The following CUBN variants were observed in gnomAD, a reference collection of about 807,000 sequenced individuals.
CUBN encodes 460 kDa receptor.
A neutral mutation model predicts 405.3 loss-of-function variants in CUBN; 282 were observed. The ratio of observed to expected loss-of-function variants is 0.70; its 90% CI spans 0.63 to 0.77. The LOEUF (loss-of-function observed/expected upper bound fraction) is 0.77. Ranked by LOEUF, CUBN falls within the 30% of genes least tolerant of loss-of-function variation. The pLI is 0.00. For missense variants in CUBN, 4,514 were observed against 4,475.2 expected (o/e 1.01, Z -0.25); for synonymous variants, 1,684 against 1,617.0 (o/e 1.04, Z -0.99).
Position 16,901,478 on chromosome 10 carries a change from C to A in CUBN, c.8063-19G>T. On this transcript the variant is annotated intron_variant, in intron 51 of 66. Transcript: ENST00000377833. ...CCACAATCTGAAATGAGATTGGTAA[C>A]CCTCTCAATAAAACAGAAGTAAAAA... 4 of 1,613,904 alleles carry A rather than the reference C, an allele frequency of 2.5e-6. No individual in the cohort carries two copies. The highest frequency in any genetic ancestry group is 3.4e-6 in the Non-Finnish European group (4 of 1,179,886).
Position 16,913,847 on chromosome 10 carries a change from C to G in CUBN, c.7497G>C (p.Leu2499=), listed in dbSNP as rs200254154. The part of the protein sequence containing the change: ...RITLMFNNLR[L]ATHPSCNNEH... ...CATTGTTGCAGGACGGATGCGTGGC[C>G]AGCCTCAGGTTGTTAAACATTAGGG... Residue 2499 remains leucine (L), a synonymous_variant, in exon 48 of 67, where the codon CTG becomes CTC. Transcript: ENST00000377833. The G allele has an allele frequency of 6.2e-7, 1 of 1,613,974 alleles. No individual in the cohort carries two copies. The highest frequency in any genetic ancestry group is 1.1e-5 in the South Asian group (1 of 91,058).
chr10:16,828,674 C>T (rs547248801), intron 66 of CUBN, 131 bp downstream of exon 66: 39 of 732,142 alleles, frequency 5.3e-5, no homozygotes, highest in Non-Finnish European at 6.6e-5. Context: ...GTTGAGATTG[C>T]GCGCACCACT....
intron 17 of CUBN, among the ~76,000 whole-genome samples, chr10:17,079,946 G>A (rs1179143027): frequency 2.6e-5 from 4 of 152,166 alleles, no homozygotes; most frequent in Non-Finnish European, 5.9e-5. Flanking sequence ...GGAGTGTAGC[G>A]GGGAGGGAGA....
rs561848701 is a variant in CUBN, at chr10:16,941,669, C to A, written c.5343-1432G>T. On this transcript the variant is annotated intron_variant, in intron 36 of 66. Transcript: ENST00000377833. The stretch of plus-strand genomic sequence containing the variant: ...GACCAGCCTGAGCAACACAGTGAAA[C>A]CCCCTCTCTACAAAAAATAAAATGT... Among the ~76,000 whole-genome samples, 4 of 147,980 alleles carry A rather than the reference C, an allele frequency of 2.7e-5. No individual in the cohort carries two copies. In the East Asian group the frequency reaches 6.0e-4, roughly 22 times the overall value.
intron 27 of CUBN, among the ~76,000 whole-genome samples, chr10:17,024,364 C>A (rs559912011): frequency 6.6e-6 from 1 of 152,166 alleles, no homozygotes; most frequent in East Asian, 1.9e-4. Context: ...GCAGGATCTC[C>A]AAGAACAAAA....
chr10:16,841,651 C>T (rs190696575), intron 60 of CUBN, among the ~76,000 whole-genome samples: 48 of 152,264 alleles, frequency 3.2e-4, no homozygotes, highest in African/African-American at 1.1e-3. Context: ...AGGTGTGTTG[C>T]TGCTTCTTGG....
chr10:17,041,451 A>G (rs904138833), intron 26 of CUBN, among the ~76,000 whole-genome samples: 3 of 152,148 alleles, frequency 2.0e-5, no homozygotes, highest in African/African-American at 7.2e-5. Context: ...AATGTGAAAT[A>G]ATACTGAAGT....
At chr10:17,040,752 A>G (rs960735342) in intron 27 of CUBN, among the ~76,000 whole-genome samples, 4 of 152,134 alleles carry the variant, frequency 2.6e-5, no homozygotes, top group African/African-American at 9.7e-5. Flanking sequence ...ACAACCAACA[A>G]AAAATAGAGG....
chr10:16,918,313 T>C (rs1006529161), intron 45 of CUBN, among the ~76,000 whole-genome samples: 3 of 152,206 alleles, frequency 2.0e-5, no homozygotes, highest in Admixed American at 6.5e-5. Flanking sequence ...AAATAGTTTT[T>C]TCTAGTTCTG....
At chr10:16,995,558 T>G (rs1007902103) in intron 28 of CUBN, among the ~76,000 whole-genome samples, 4 of 152,162 alleles carry the variant, frequency 2.6e-5, no homozygotes, top group Non-Finnish European at 5.9e-5. Context: ...GGTCTTGAAC[T>G]CCTAGGCTCA....
intron 1 of CUBN, 46 bp downstream of exon 1, chr10:17,129,598 G>C (rs373362973): frequency 6.2e-7 from 1 of 1,613,038 alleles, no homozygotes; most frequent in Non-Finnish European, 8.5e-7. Context: ...AACTGGTGAG[G>C]AATTAGCCTA....
chr10:16,907,403 T>C, intron 49 of CUBN, 105 bp downstream of exon 49: 2 of 1,182,816 alleles, frequency 1.7e-6, no homozygotes, highest in East Asian at 2.4e-5. Context: ...AGATTTCAAG[T>C]ATCACTAAAG....
At chr10:17,071,692 G>A (rs1296633648) in intron 18 of CUBN, 88 bp from the exon 19 acceptor site, 1 of 1,482,432 alleles carries the variant, frequency 6.7e-7, no homozygotes, top group East Asian at 2.3e-5. Context: ...TGCCTGAGGA[G>A]ATAACCGAAT....
intron 62 of CUBN, among the ~76,000 whole-genome samples, chr10:16,839,656 G>T (rs1588574730): frequency 2.0e-5 from 2 of 98,450 alleles, no homozygotes; most frequent in African/African-American, 5.0e-5. Context: ...AAGTCAGTGT[G>T]GTGATTCCTT....
At chr10:16,961,396 TGAG>T (rs1843213002) in intron 31 of CUBN, among the ~76,000 whole-genome samples, 1 of 152,136 alleles carries the variant, frequency 6.6e-6, no homozygotes, top group Admixed American at 6.5e-5. Flanking sequence ...TTCGATACCT[TGAG>T]GAGATTTGCA....
chr10:16,951,041 T>C (rs1457013174), intron 33 of CUBN, among the ~76,000 whole-genome samples: 1 of 152,222 alleles, frequency 6.6e-6, no homozygotes, highest in Non-Finnish European at 1.5e-5. Context: ...ATACATTTTC[T>C]TTTTGTTGTT....
At chr10:17,108,726 G>C (rs1213297632) in intron 10 of CUBN, among the ~76,000 whole-genome samples, 1 of 152,086 alleles carries the variant, frequency 6.6e-6, no homozygotes, top group South Asian at 2.1e-4. Flanking sequence ...TAAGAGAAAA[G>C]ATTTATCTTT....
chr10:16,976,092 T>C (rs1044363678), intron 31 of CUBN, among the ~76,000 whole-genome samples: 4 of 150,300 alleles, frequency 2.7e-5, no homozygotes, highest in African/African-American at 9.7e-5. Flanking sequence ...CACCTCAGCC[T>C]CCCAAGTAGC....
intron 31 of CUBN, among the ~76,000 whole-genome samples, chr10:16,975,760 C>T (rs1050748296): frequency 6.7e-6 from 1 of 149,812 alleles, no homozygotes; most frequent in Non-Finnish European, 1.5e-5. Flanking sequence ...CCTCCCAAGT[C>T]GCTGGGATTA....
Sources: gnomAD v4.1 joint callset for allele counts (sites outside exome capture counted in the v4.1 genomes callset) on GRCh38, gnomAD v4.1.1 for gene constraint, MANE v1.5 for transcripts, NCBI Gene and HGNC (gene_info 2026-07-23, HGNC 2026-07-21) for gene names.